FAM167A: variants seen among roughly 807,000 people sequenced by gnomAD.
FAM167A encodes family with sequence similarity 167 member A.
Under a neutral mutation model 14.9 loss-of-function variants are expected in FAM167A, and 23 were observed. The observed-to-expected ratio is 1.55, with a 90% CI of 1.11 to 2.19. The LOEUF (loss-of-function observed/expected upper bound fraction) is 2.19. FAM167A is among the 30% of genes most tolerant of loss of function. The probability of loss-of-function intolerance (pLI) is 0.00; values close to 1 mark genes in which losing one functional copy is unlikely to be tolerated. For synonymous variants in FAM167A, 174 were observed against 117.7 expected (o/e 1.48, Z -3.10); for missense variants, 401 against 281.5 (o/e 1.42, Z -3.04).
intron 2 of FAM167A, among the ~76,000 whole-genome samples, chr8:11,439,578 C>G (rs1006016176): frequency 6.6e-6 from 1 of 152,162 alleles, no homozygotes; most frequent in Non-Finnish European, 1.5e-5. Flanking sequence ...TTCTCTCTCT[C>G]TAACAGCCAT....
At chr8:11,451,612 G>A (rs377705119) in intron 1 of FAM167A, among the ~76,000 whole-genome samples, 3 of 152,206 alleles carry the variant, frequency 2.0e-5, no homozygotes, top group Admixed American at 1.3e-4. Context: ...AGAGGACCAC[G>A]TGCTCCTCTT....
Position 11,421,683 on chromosome 8 carries a change from C to T in FAM167A, c.*2690G>A, listed in dbSNP as rs1201725928. 2.5e-6 allele frequency: 1 copy of T among 399,038 alleles called. No homozygotes were observed. Among genetic ancestry groups the T allele is most frequent in the Non-Finnish European group, 4.4e-6 (1 of 226,054 alleles). The allele number at this position is 399,038 out of a possible 1,614,324, so 24.7% of individuals were successfully genotyped here. A position where few individuals can be genotyped will look rare whatever the true frequency, so the allele number is the denominator to read the frequency against. On this transcript the variant is annotated 3_prime_UTR_variant, in exon 3 of 3. Transcript: ENST00000284486. ...GCCCTCCAGGCCTCTTTGATAGCTA[C>T]TGAGCCCCTGAAGGCATCAAGACAT...
chr8:11,452,699 C>G (rs1354468422), intron 1 of FAM167A, among the ~76,000 whole-genome samples: 1 of 152,364 alleles, frequency 6.6e-6, no homozygotes, highest in Admixed American at 6.5e-5. Context: ...TAACTTTTCT[C>G]ATGAAACCGA....
chr8:11,457,666 T>G (rs780999245), intron 1 of FAM167A, among the ~76,000 whole-genome samples: 21 of 152,120 alleles, frequency 1.4e-4, no homozygotes, highest in African/African-American at 4.3e-4. Context: ...GGTACATGAA[T>G]GAATGAAGAG....
At chr8:11,434,969 C>T (rs1280905869) in intron 2 of FAM167A, 1 of 451,956 alleles carries the variant, frequency 2.2e-6, no homozygotes, top group Non-Finnish European at 4.5e-6. Flanking sequence ...GGCACCCACC[C>T]CTGCATTTGG....
chr8:11,455,626 T>G (rs1340712249), intron 1 of FAM167A, among the ~76,000 whole-genome samples: 1 of 119,812 alleles, frequency 8.3e-6, no homozygotes, highest in African/African-American at 3.4e-5. Context: ...GCAGGGTGGT[T>G]GCTCTGCTGG....
intron 2 of FAM167A, among the ~76,000 whole-genome samples, chr8:11,442,193 T>C (rs1357464963): frequency 2.0e-5 from 3 of 152,170 alleles, no homozygotes; most frequent in African/African-American, 7.2e-5. Context: ...GCCAGCACAC[T>C]GGGCAGGGCA....
rs947336165 is a variant in FAM167A, at chr8:11,444,624, G to A, written c.-213C>T. The stretch of plus-strand genomic sequence containing the variant: ...ACAGGGCGCCCTCCTGGAGGCTCGG[G>A]TCTATGATCCGTCCTGGAAGCCTGT... On this transcript the variant is annotated 5_prime_UTR_variant, in exon 2 of 3. Coordinates refer to ENST00000284486, the MANE Select transcript of FAM167A (RefSeq NM_053279.3). The A allele has an allele frequency of 2.2e-6, 3 of 1,368,090 alleles. No homozygotes were observed. The highest frequency in any genetic ancestry group is 3.0e-5 in the African/African-American group (2 of 67,584). The allele number at this position is 1,368,090 out of a possible 1,614,324, so 84.7% of individuals were successfully genotyped here.
chr8:11,438,941 T>G (rs1018882236), intron 2 of FAM167A, among the ~76,000 whole-genome samples: 19 of 152,194 alleles, frequency 1.2e-4, no homozygotes, highest in Non-Finnish European at 2.5e-4. Context: ...TGGAAATGGT[T>G]GTTATGAGGC....
rs1804747162 is a variant in FAM167A at position 11,421,759 on chromosome 8, G to A, written c.*2614C>T. 1.5e-5 allele frequency: 6 copies of A among 398,950 alleles called. No individual in the cohort carries two copies. Among genetic ancestry groups the A allele is most frequent in the Admixed American group, 4.4e-5 (1 of 22,708 alleles). 24.7% of individuals were successfully genotyped at this position (398,950 alleles called of 1,614,324 possible). A position where few individuals can be genotyped will look rare whatever the true frequency, so the allele number is the denominator to read the frequency against. On this transcript the variant is annotated 3_prime_UTR_variant, in exon 3 of 3. Coordinates refer to ENST00000284486, the MANE Select transcript of FAM167A (RefSeq NM_053279.3). ...GAGTTTGCGTTTTACACCCAGCGAT[G>A]CTTGGGGATGGCAGAGAGATGGATG...
chr8:11,444,538 CAG>C lies in FAM167A; in HGVS notation c.-129_-128del. On this transcript the variant is annotated 5_prime_UTR_variant, in exon 2 of 3. Transcript: ENST00000284486. Reference sequence around the variant, plus strand: ...CAGGTGCCCGAGGGCATTTCCGGGACAGGAGCCGGCCTCAGAGGCTGGGTGGC... The same window carrying C: ...CAGGTGCCCGAGGGCATTTCCGGGACGAGCCGGCCTCAGAGGCTGGGTGGC... 6.8e-7 allele frequency: 1 copy of C among 1,474,512 alleles called. No individual in the cohort carries two copies. Among genetic ancestry groups the C allele is most frequent in the Admixed American group, 2.5e-5 (1 of 40,272 alleles). 91.3% of individuals were successfully genotyped at this position (1,474,512 alleles called of 1,614,324 possible).
chr8:11,471,411 T>A (rs1304146131), upstream of FAM167A, among the ~76,000 whole-genome samples: 1 of 151,156 alleles, frequency 6.6e-6, no homozygotes, highest in Non-Finnish European at 1.5e-5. Flanking sequence ...CACACAGAGG[T>A]TGTTTCTGTG....
chr8:11,444,764 GGCCCAGA>G lies in FAM167A; in HGVS notation c.-360_-354del. ...TCGAAGACCAGACTGGCAGGAAGAA[GGCCCAGA>G]GCTCTCTCTTCTCGGGAAGGGCAGG... On this transcript the variant is annotated 5_prime_UTR_variant, in exon 2 of 3. Coordinates refer to ENST00000284486, the MANE Select transcript of FAM167A (RefSeq NM_053279.3). The G allele has an allele frequency of 9.7e-7, 1 of 1,027,346 alleles. No homozygotes were observed. Among genetic ancestry groups the G allele is most frequent in the Non-Finnish European group, 1.2e-6 (1 of 857,410 alleles). The allele number at this position is 1,027,346 out of a possible 1,614,324, so 63.6% of individuals were successfully genotyped here.
intron 1 of FAM167A, chr8:11,445,359 G>T (rs1056599978): frequency 1.7e-5 from 17 of 986,110 alleles, no homozygotes; most frequent in East Asian, 1.1e-4. Context: ...TCCAGCAGCC[G>T]TTTCTACATC....
intron 1 of FAM167A, among the ~76,000 whole-genome samples, chr8:11,455,822 G>A (rs1339227711): frequency 2.1e-5 from 3 of 143,658 alleles, no homozygotes; most frequent in African/African-American, 7.8e-5. Context: ...TTGCCTTGCT[G>A]TGTATGAGTG....
At chr8:11,444,911 T>A (rs1167315245) in intron 1 of FAM167A, 103 bp from the exon 2 acceptor site, 3 of 906,590 alleles carry the variant, frequency 3.3e-6, no homozygotes, top group Non-Finnish European at 4.0e-6. Flanking sequence ...CAGAGTGGAC[T>A]GGTGGCTGCG....
chr8:11,424,091 T>C lies in FAM167A; in HGVS notation c.*282A>G. On this transcript the variant is annotated 3_prime_UTR_variant, in exon 3 of 3. Coordinates refer to ENST00000284486, the MANE Select transcript of FAM167A (RefSeq NM_053279.3). The stretch of plus-strand genomic sequence containing the variant: ...AGGAACGTGACCGTGGAGGGATGGA[T>C]TATGGTGGGAACCCAGGTCTCCTTT... 1 of 388,064 alleles carries C rather than the reference T, an allele frequency of 2.6e-6. No individual in the cohort carries two copies. The highest frequency in any genetic ancestry group is 4.0e-5 in the South Asian group (1 of 24,832). The allele number at this position is 388,064 out of a possible 1,614,324, so 24.0% of individuals were successfully genotyped here. A position where few individuals can be genotyped will look rare whatever the true frequency, so the allele number is the denominator to read the frequency against.
chr8:11,438,193 C>A, intron 2 of FAM167A: 1 of 452,408 alleles, frequency 2.2e-6, no homozygotes. Context: ...CCCGGAATCG[C>A]CATGAGCTGC....
chr8:11,424,483 C>CG lies in FAM167A; in HGVS notation c.534dup (p.Asp179ArgfsTer5). On this transcript the variant is annotated frameshift_variant, in exon 3 of 3. Transcript: ENST00000284486. LOFTEE classifies it high-confidence loss of function. Reference sequence around the variant, plus strand: ...GCAAGAGGGGAGTCACAGAAGAGGTCGGCCAGCTCATCCCGCTCCTCCAGC... The same window carrying CG: ...GCAAGAGGGGAGTCACAGAAGAGGTCGGGCCAGCTCATCCCGCTCCTCCAGC... 6.2e-7 allele frequency: 1 copy of CG among 1,614,130 alleles called. No homozygotes were observed. The highest frequency in any genetic ancestry group is 8.5e-7 in the Non-Finnish European group (1 of 1,180,000).
Sources: gnomAD v4.1 joint callset for allele counts (sites outside exome capture counted in the v4.1 genomes callset) on GRCh38, gnomAD v4.1.1 for gene constraint, MANE v1.5 for transcripts, NCBI Gene and HGNC (gene_info 2026-07-23, HGNC 2026-07-21) for gene names.